STX17: variants seen among roughly 807,000 people sequenced by gnomAD.
The protein encoded by STX17 is syntaxin-17.
Under a neutral mutation model 35.9 loss-of-function variants are expected in STX17, and 29 were observed. That is an observed-to-expected ratio of 0.81 (90% confidence interval 0.60 to 1.10). The LOEUF (loss-of-function observed/expected upper bound fraction) is 1.10, where lower values mean the gene tolerates loss of function less well. Among genes scored for constraint, STX17 ranks in the 50% least tolerant of loss-of-function variants. The probability of loss-of-function intolerance (pLI) is 0.00; values close to 1 mark genes in which losing one functional copy is unlikely to be tolerated. For synonymous variants in STX17, 92 were observed against 118.3 expected (o/e 0.78, Z 1.44); for missense variants, 312 against 352.3 (o/e 0.89, Z 0.92).
intron 6 of STX17, among the ~76,000 whole-genome samples, chr9:99,961,475 T>A (rs983629787): frequency 1.3e-5 from 2 of 152,218 alleles, no homozygotes; most frequent in African/African-American, 2.4e-5. Flanking sequence ...TAACATAGAT[T>A]AGGAAGCACA....
chr9:99,928,889 G>C (rs1209141955), intron 3 of STX17, 46 bp downstream of exon 3: 2 of 1,565,640 alleles, frequency 1.3e-6, no homozygotes, highest in Non-Finnish European at 1.8e-6. Context: ...GAAAAAGACA[G>C]TCTTAAGACA....
In STX17 at chr9:99,960,130, T is replaced by C; in HGVS notation, c.557T>C (p.Val186Ala). ...GACTTAATTGAACTTAGCCAACTGG[T>C]CACTGACTTCTCTCTCCTAGTGAAT... Reference protein sequence around the residue: ...EADLIELSQLVTDFSLLVNSQ... With the variant: ...EADLIELSQLATDFSLLVNSQ... Residue 186 changes from valine (V) to alanine (A), a missense_variant, in exon 6 of 8, where the codon GTC (valine) becomes GCC (alanine). Val to Ala is a moderately conservative substitution (Grantham distance 64, BLOSUM62 0). Coordinates refer to ENST00000259400, the MANE Select transcript of STX17 (RefSeq NM_017919.3). The C allele has an allele frequency of 6.2e-7, 1 of 1,614,102 alleles. No individual in the cohort carries two copies. The highest frequency in any genetic ancestry group is 2.2e-5 in the East Asian group (1 of 44,848).
intron 1 of STX17, among the ~76,000 whole-genome samples, chr9:99,914,633 A>G (rs565414113): frequency 2.0e-5 from 3 of 152,336 alleles, no homozygotes; most frequent in Admixed American, 1.3e-4. Context: ...AAGCACATCA[A>G]TGAGAAAAGT....
intron 2 of STX17, among the ~76,000 whole-genome samples, chr9:99,918,068 G>A (rs1828811865): frequency 6.6e-6 from 1 of 152,076 alleles, no homozygotes; most frequent in Non-Finnish European, 1.5e-5. Context: ...TTCCAGCTTG[G>A]ATGGAATAAC....
rs979536100 is a variant in STX17 at position 99,924,437 on chromosome 9, G to A, written c.124-4341G>A. Reference sequence around the variant, plus strand: ...AATATTTATATAATCATAATATCACGGACACCATCAGTTAATAGTTTCTAA... The same window carrying A: ...AATATTTATATAATCATAATATCACAGACACCATCAGTTAATAGTTTCTAA... On this transcript the variant is annotated intron_variant, in intron 2 of 7. Coordinates refer to ENST00000259400, the MANE Select transcript of STX17 (RefSeq NM_017919.3). Among the ~76,000 whole-genome samples the A allele has an allele frequency of 5.3e-5, 8 of 151,906 alleles. No individual in the cohort carries two copies. The East Asian group carries it at 5.8e-4, about 11-fold the overall frequency.
At chr9:99,908,461 C>T (rs879234211) in intron 1 of STX17, among the ~76,000 whole-genome samples, 2 of 151,966 alleles carry the variant, frequency 1.3e-5, no homozygotes, top group African/African-American at 2.4e-5. Flanking sequence ...ATTTGTATTC[C>T]GTTATTTATT....
At chr9:99,917,110 TTTAC>T (rs1462697337) in intron 2 of STX17, among the ~76,000 whole-genome samples, 3 of 152,196 alleles carry the variant, frequency 2.0e-5, no homozygotes, top group African/African-American at 7.2e-5. Context: ...TTATGAAATT[TTTAC>T]TTACTGTGGA....
chr9:99,931,783 C>T (rs1829130685), intron 3 of STX17, among the ~76,000 whole-genome samples: 1 of 152,048 alleles, frequency 6.6e-6, no homozygotes, highest in Admixed American at 6.6e-5. Flanking sequence ...TTCTCTTTAC[C>T]TTTTTCCTTT....
intron 4 of STX17, among the ~76,000 whole-genome samples, chr9:99,956,550 A>G (rs1198798767): frequency 6.6e-6 from 1 of 152,176 alleles, no homozygotes; most frequent in African/African-American, 2.4e-5. Flanking sequence ...TGAAAATGAG[A>G]GTGTCTTTAT....
intron 3 of STX17, chr9:99,929,910 C>CTTTTTTTTTTTTTTTTT (rs528774463): frequency 8.4e-6 from 1 of 118,354 alleles, no homozygotes; most frequent in Admixed American, 9.5e-5. Flanking sequence ...TTTTTCTTTT[C>CTTTTTTTTTTTTTTTTT]TTTTTTTTTT....
intron 3 of STX17, among the ~76,000 whole-genome samples, chr9:99,947,112 T>G (rs1293665420): frequency 6.6e-6 from 1 of 152,120 alleles, no homozygotes; most frequent in African/African-American, 2.4e-5. Context: ...TCTTCTGTAT[T>G]TCTTAACTTT....
intron 6 of STX17, 26 bp downstream of exon 6, chr9:99,960,181 A>G (rs1486073941): frequency 6.2e-7 from 1 of 1,604,890 alleles, no homozygotes; most frequent in East Asian, 2.2e-5. Context: ...TTTTGGATGC[A>G]GAATTGTTGG....
chr9:99,936,266 T>C (rs1440168334), intron 3 of STX17, among the ~76,000 whole-genome samples: 3 of 152,172 alleles, frequency 2.0e-5, no homozygotes, highest in Non-Finnish European at 4.4e-5. Context: ...AGTAGTTGTT[T>C]TTTAGGAAAC....
intron 1 of STX17, among the ~76,000 whole-genome samples, chr9:99,914,886 C>T (rs776954451): frequency 6.6e-6 from 1 of 151,876 alleles, no homozygotes; most frequent in Non-Finnish European, 1.5e-5. Context: ...GAGACGTATG[C>T]CAAAATGTAA....
At position 99,951,107 on chromosome 9, in the gene STX17, C is replaced by G; in HGVS notation, c.237C>G (p.Val79=). The change falls in exon 4 of 8, where the codon GTC becomes GTG. Residue 79 remains valine (V), a synonymous_variant. Coordinates refer to ENST00000259400, the MANE Select transcript of STX17 (RefSeq NM_017919.3). ...IREIEKLCLK[V]RKDDLVLLKR... ...AAATTGAGAAACTTTGTTTGAAAGT[C>G]CGAAAGGATGACCTAGTACTTCTGA... 6.2e-7 allele frequency: 1 copy of G among 1,612,012 alleles called. No individual in the cohort carries two copies. Among genetic ancestry groups the G allele is most frequent in the Non-Finnish European group, 8.5e-7 (1 of 1,178,724 alleles).
At chr9:99,951,313 C>T in intron 4 of STX17, 28 bp downstream of exon 4, 2 of 1,598,178 alleles carry the variant, frequency 1.3e-6, no homozygotes, top group Non-Finnish European at 8.6e-7. Flanking sequence ...GTCTTATTCT[C>T]AGTCACAGTA....
intron 3 of STX17, chr9:99,929,287 G>A (rs1267659347): frequency 6.7e-6 from 1 of 148,912 alleles, no homozygotes; most frequent in East Asian, 2.0e-4. Context: ...TTATGTTGAT[G>A]TCTTTTGTGA....
intron 4 of STX17, 51 bp from the exon 5 acceptor site, chr9:99,959,866 T>C: frequency 7.2e-7 from 1 of 1,379,800 alleles, no homozygotes; most frequent in Non-Finnish European, 1.0e-6. Flanking sequence ...TGCTGTCTCT[T>C]TTCTAACAAA....
intron 4 of STX17, among the ~76,000 whole-genome samples, chr9:99,954,532 G>A (rs1212130250): frequency 6.6e-6 from 1 of 152,030 alleles, no homozygotes; most frequent in Non-Finnish European, 1.5e-5. Flanking sequence ...GGTAGGAATT[G>A]AGTTTGCTCC....
Sources: gnomAD v4.1 joint callset for allele counts (sites outside exome capture counted in the v4.1 genomes callset) on GRCh38, gnomAD v4.1.1 for gene constraint, MANE v1.5 for transcripts, NCBI Gene and HGNC (gene_info 2026-07-23, HGNC 2026-07-21) for gene names.